The following LRP6 variants were observed in gnomAD, a reference collection of about 807,000 sequenced individuals.
LRP6 encodes low-density lipoprotein receptor-related protein 6.
LRP6 carries 43 observed loss-of-function variants against 184.1 expected under a neutral mutation model. That is an observed-to-expected ratio of 0.23 (90% CI 0.18 to 0.30). The LOEUF is 0.30. Among genes scored for constraint, LRP6 ranks in the 10% least tolerant of loss-of-function variants. The pLI, the probability that LRP6 is intolerant of heterozygous loss-of-function variation, is 1.00. For synonymous variants in LRP6, 719 were observed against 684.9 expected, an observed-to-expected ratio of 1.05 and a Z score of -0.78; for missense variants, 1,571 against 2,005.3, an observed-to-expected ratio of 0.78 and a Z score of 4.14.
intron 1 of LRP6, among the ~76,000 whole-genome samples, chr12:12,266,333 C>A (rs187306623): frequency 6.6e-6 from 1 of 152,304 alleles, no homozygotes; most frequent in Admixed American, 6.5e-5. Flanking sequence ...AGCCAAAATA[C>A]GTACAAAGAC....
intron 3 of LRP6, among the ~76,000 whole-genome samples, chr12:12,202,796 AC>A (rs1412115909): frequency 6.6e-6 from 1 of 152,152 alleles, no homozygotes. Context: ...TCTTTGTTGT[AC>A]TGATGCCCAG....
chr12:12,211,366 T>C (rs954307163), intron 2 of LRP6, among the ~76,000 whole-genome samples: 5 of 152,124 alleles, frequency 3.3e-5, no homozygotes, highest in Non-Finnish European at 7.4e-5. Flanking sequence ...CACTTGAACC[T>C]GGGAGGTGGA....
At chr12:12,251,281 T>C (rs1865319243) in intron 1 of LRP6, among the ~76,000 whole-genome samples, 1 of 152,230 alleles carries the variant, frequency 6.6e-6, no homozygotes, top group African/African-American at 2.4e-5. Context: ...TTTTAAGTGC[T>C]TATCAAATAT....
intron 3 of LRP6, among the ~76,000 whole-genome samples, chr12:12,193,797 G>C (rs1476600437): frequency 2.0e-5 from 3 of 152,006 alleles, no homozygotes; most frequent in Admixed American, 2.0e-4. Flanking sequence ...GTATCAACTG[G>C]TCACACACTT....
chr12:12,256,283 G>A (rs1161924430), intron 1 of LRP6, among the ~76,000 whole-genome samples: 3 of 152,348 alleles, frequency 2.0e-5, no homozygotes, highest in South Asian at 2.1e-4. Flanking sequence ...TTTAGGCCAG[G>A]CGCGGTGGCT....
chr12:12,130,292 T>C (rs1665735306), intron 19 of LRP6, among the ~76,000 whole-genome samples: 1 of 151,982 alleles, frequency 6.6e-6, no homozygotes, highest in African/African-American at 2.4e-5. Context: ...GTTCAAATGA[T>C]TGTCCTGCTT....
At chr12:12,219,511 T>G (rs1416817748) in intron 2 of LRP6, among the ~76,000 whole-genome samples, 8 of 152,150 alleles carry the variant, frequency 5.3e-5, no homozygotes, top group African/African-American at 1.9e-4. Flanking sequence ...CCAACTGTCC[T>G]CCGCTTTTGT....
chr12:12,216,531 G>A (rs1864349165), intron 2 of LRP6, among the ~76,000 whole-genome samples: 1 of 151,912 alleles, frequency 6.6e-6, no homozygotes, highest in Non-Finnish European at 1.5e-5. Flanking sequence ...GAGGAGGTGG[G>A]GGCCTAGAAT....
chr12:12,217,179 G>A (rs1226235355), intron 2 of LRP6, among the ~76,000 whole-genome samples: 2 of 152,078 alleles, frequency 1.3e-5, no homozygotes, highest in African/African-American at 4.8e-5. Context: ...GCTCCCTATC[G>A]TTCATATTAC....
chr12:12,248,871 T>A lies in LRP6; in HGVS notation c.56-4216A>T, dbSNP rs926204138. On this transcript the variant is annotated intron_variant, in intron 1 of 22. Transcript: ENST00000261349. The stretch of plus-strand genomic sequence containing the variant: ...AATGTTCTCCTCATACAATACTACC[T>A]ATTTTTTCTTGTCTTGTTTCAAACC... The A allele has an allele frequency of 2.6e-5, 8 of 305,258 alleles. No individual in the cohort carries two copies. In the East Asian group the frequency reaches 5.2e-4, roughly 20 times the overall value. The allele number at this position is 305,258 out of a possible 1,614,324, so 18.9% of individuals were successfully genotyped here. A position where few individuals can be genotyped will look rare whatever the true frequency, so the allele number is the denominator to read the frequency against.
chr12:12,136,269 T>C (rs926554550), intron 16 of LRP6, among the ~76,000 whole-genome samples: 3 of 152,186 alleles, frequency 2.0e-5, no homozygotes, highest in African/African-American at 7.2e-5. Flanking sequence ...AATTCTCCTA[T>C]ATTAAGATTT....
At chr12:12,179,748 T>C (rs1863294754) in intron 7 of LRP6, 62 bp downstream of exon 7, 5 of 1,551,724 alleles carry the variant, frequency 3.2e-6, no homozygotes, top group African/African-American at 1.4e-5. Context: ...CTCAAATCAT[T>C]ATACTGTCGA....
At chr12:12,211,194 T>C (rs898345960) in intron 2 of LRP6, 2 of 152,258 alleles carry the variant, frequency 1.3e-5, no homozygotes, top group Non-Finnish European at 2.9e-5. Flanking sequence ...CCCGGCACTT[T>C]GGGAGGCCAA....
At position 12,132,167 on chromosome 12, in the gene LRP6, C is replaced by T. The variant is rs1054442036; in HGVS notation, c.3734-110G>A. 5.0e-5 allele frequency: 37 copies of T among 745,668 alleles called. No homozygotes were observed. In the Middle Eastern group the frequency reaches 2.1e-3, roughly 43 times the overall value. The allele number at this position is 745,668 out of a possible 1,614,324, so 46.2% of individuals were successfully genotyped here. ...TTTAATAATTAACATACACAAAATA[C>T]TTTATAATAAATATGATTTATAACT... On this transcript the variant is annotated intron_variant, in intron 17 of 22. Coordinates refer to ENST00000261349, the MANE Select transcript of LRP6 (RefSeq NM_002336.3).
At chr12:12,230,145 G>A (rs945730865) in intron 2 of LRP6, among the ~76,000 whole-genome samples, 4 of 151,964 alleles carry the variant, frequency 2.6e-5, no homozygotes, top group African/African-American at 9.7e-5. Context: ...TAACTGGGAG[G>A]GAAGTAAAGC....
At chr12:12,197,203 C>T (rs1278510530) in intron 3 of LRP6, among the ~76,000 whole-genome samples, 1 of 152,224 alleles carries the variant, frequency 6.6e-6, no homozygotes, top group East Asian at 1.9e-4. Context: ...GGGAATTCTA[C>T]AGTCATTTCT....
Position 12,120,998 on chromosome 12 carries a change from T to A in LRP6, c.*128A>T, listed in dbSNP as rs1949596642. The A allele has an allele frequency of 1.4e-6, 1 of 708,950 alleles. No homozygotes were observed. Among genetic ancestry groups the A allele is most frequent in the South Asian group, 2.8e-5 (1 of 35,372 alleles). 43.9% of individuals were successfully genotyped at this position (708,950 alleles called of 1,614,324 possible). ...AATATCTCCAGTATTCCCTACCCCA[T>A]TTTATAATTTTAACTGTACATGGTC... On this transcript the variant is annotated 3_prime_UTR_variant, in exon 23 of 23. Transcript: ENST00000261349.
intron 1 of LRP6, among the ~76,000 whole-genome samples, chr12:12,252,559 T>A (rs1398479124): frequency 6.6e-6 from 1 of 152,208 alleles, no homozygotes; most frequent in African/African-American, 2.4e-5. Context: ...AATGCCCTCA[T>A]TGTCCATGTC....
intron 1 of LRP6, among the ~76,000 whole-genome samples, chr12:12,252,671 C>T (rs1361301161): frequency 6.6e-6 from 1 of 152,080 alleles, no homozygotes; most frequent in Non-Finnish European, 1.5e-5. Flanking sequence ...TTAACTTGGT[C>T]ATAATTTGGC....
Sources: allele counts gnomAD v4.1 joint callset (sites outside exome capture counted in the v4.1 genomes callset), GRCh38; gene constraint gnomAD v4.1.1; transcripts MANE v1.5; gene names NCBI Gene and HGNC (gene_info 2026-07-23, HGNC 2026-07-21).